The following GLT8D2 variants were observed in gnomAD, a reference collection of about 807,000 sequenced individuals.
The protein encoded by GLT8D2 is glycosyltransferase 8 domain containing 2.
GLT8D2 carries 45 observed loss-of-function variants against 44.5 expected under a neutral mutation model. The ratio of observed to expected loss-of-function variants is 1.01; its 90% CI spans 0.80 to 1.30. The LOEUF is 1.30. Ranked by LOEUF, GLT8D2 falls within the 50% of genes most tolerant of loss-of-function variation. The probability of loss-of-function intolerance (pLI) is 0.00; values close to 1 mark genes in which losing one functional copy is unlikely to be tolerated. For synonymous variants in GLT8D2, 156 were observed against 157.2 expected (o/e 0.99, Z 0.06); for missense variants, 400 against 430.4 (o/e 0.93, Z 0.62).
chr12:104,018,507 A>T (rs1256171558), intron 3 of GLT8D2, among the ~76,000 whole-genome samples: 2 of 152,174 alleles, frequency 1.3e-5, no homozygotes, highest in East Asian at 3.8e-4. Context: ...CATTTAAAAC[A>T]AAACTACAGA....
chr12:104,055,761 A>G (rs181481569), intron 1 of GLT8D2, among the ~76,000 whole-genome samples: 47 of 152,346 alleles, frequency 3.1e-4, no homozygotes, highest in African/African-American at 1.0e-3. Flanking sequence ...ATTAAAGCTG[A>G]TAAGTTTGCC....
At position 103,996,816 on chromosome 12, in the gene GLT8D2, C is replaced by T. The variant is rs1873486189; in HGVS notation, c.519G>A (p.Leu173=). The stretch of plus-strand genomic sequence containing the variant: ...AGAAAGCCGCCGCGTGGCCCAGGGC[C>T]AAGGTGGTGTCATACAGTTCTTGGA... The part of the protein sequence containing the change: ...GDIQELYDTT[L]ALGHAAAFSD... Residue 173 remains leucine (L), a synonymous_variant, in exon 8 of 11, where the codon TTG becomes TTA. Transcript: ENST00000360814. 6.2e-7 allele frequency: 1 copy of T among 1,614,064 alleles called. No homozygotes were observed. Among genetic ancestry groups the T allele is most frequent in the Non-Finnish European group, 8.5e-7 (1 of 1,179,950 alleles).
intron 1 of GLT8D2, among the ~76,000 whole-genome samples, chr12:104,036,273 T>C (rs1879917994): frequency 6.6e-6 from 1 of 152,162 alleles, no homozygotes; most frequent in Non-Finnish European, 1.5e-5. Flanking sequence ...AATAACCAAC[T>C]AACATCATAA....
intron 4 of GLT8D2, among the ~76,000 whole-genome samples, chr12:104,012,178 A>AT (rs1875925594): frequency 1.2e-5 from 1 of 80,130 alleles, no homozygotes; most frequent in South Asian, 3.9e-4. Context: ...CTCAAAAAAA[A>AT]AAAAAAAAAA....
chr12:104,041,492 C>T (rs1478539615), intron 1 of GLT8D2, among the ~76,000 whole-genome samples: 2 of 152,178 alleles, frequency 1.3e-5, no homozygotes, highest in Non-Finnish European at 2.9e-5. Context: ...AGGGGAATTG[C>T]TTGAACCAGG....
chr12:103,993,099 A>AT lies in GLT8D2; in HGVS notation c.880+292_880+293insA, dbSNP rs1872974741. ...TAATCCTAGCACTTTGGGAGGCCGA[A>AT]ATGGGTGGATCACCTAAGGTCAGGA... is the stretch of plus-strand genomic sequence containing the variant. On this transcript the variant is annotated intron_variant, in intron 10 of 10. Coordinates refer to ENST00000360814, the MANE Select transcript of GLT8D2 (RefSeq NM_001384711.1). Among the ~76,000 whole-genome samples the AT allele has an allele frequency of 2.0e-5, 3 of 152,252 alleles. No individual in the cohort carries two copies. In the South Asian group the frequency reaches 6.2e-4, roughly 32 times the overall value.
At chr12:104,049,832 T>C (rs1028800407) in intron 1 of GLT8D2, 63 bp downstream of exon 1, 3 of 152,224 alleles carry the variant, frequency 2.0e-5, no homozygotes, top group Non-Finnish European at 2.9e-5. Flanking sequence ...AATAAAGAAC[T>C]GCTGCAGACC....
At chr12:104,031,602 G>C (rs1879268298) in intron 1 of GLT8D2, 2 of 1,587,304 alleles carry the variant, frequency 1.3e-6, no homozygotes, top group Non-Finnish European at 1.7e-6. Context: ...TTGTCCCTCT[G>C]CCCCTCCCAC....
At chr12:104,007,951 G>A (rs963048617) in intron 4 of GLT8D2, among the ~76,000 whole-genome samples, 4 of 152,100 alleles carry the variant, frequency 2.6e-5, no homozygotes, top group Non-Finnish European at 5.9e-5. Flanking sequence ...AGTGCCTTTC[G>A]CCTCCTGCCA....
chr12:104,016,701 AAGGG>A (rs1876673803), intron 3 of GLT8D2, among the ~76,000 whole-genome samples: 7 of 100,120 alleles, frequency 7.0e-5, no homozygotes, highest in African/African-American at 2.1e-4. Flanking sequence ...GAAAGAAAGA[AAGGG>A]AGAGAGAAAG....
At chr12:104,032,975 G>T (rs1879495422) in intron 1 of GLT8D2, among the ~76,000 whole-genome samples, 1 of 152,064 alleles carries the variant, frequency 6.6e-6, no homozygotes, top group Non-Finnish European at 1.5e-5. Context: ...CGCTTCCGGG[G>T]TTCAAGCGAT....
At chr12:104,033,913 G>A (rs1370716086) in intron 1 of GLT8D2, among the ~76,000 whole-genome samples, 1 of 151,730 alleles carries the variant, frequency 6.6e-6, no homozygotes, top group Non-Finnish European at 1.5e-5. Context: ...GAGCTCCTGG[G>A]TTCTATCAAT....
At chr12:104,012,328 G>A (rs764220064) in intron 4 of GLT8D2, among the ~76,000 whole-genome samples, 11 of 151,470 alleles carry the variant, frequency 7.3e-5, no homozygotes, top group Non-Finnish European at 8.8e-5. Flanking sequence ...TGCTACATTC[G>A]TTTGAATGGT....
intron 10 of GLT8D2, among the ~76,000 whole-genome samples, chr12:103,992,435 G>C (rs1593525526): frequency 6.6e-6 from 1 of 151,324 alleles, no homozygotes; most frequent in African/African-American, 2.4e-5. Context: ...AGTGTGGCTT[G>C]ACAGTTCAAT....
In GLT8D2 at chr12:104,015,100, G is replaced by C; in HGVS notation, c.25C>G (p.Gln9Glu). 2.5e-6 allele frequency: 4 copies of C among 1,611,502 alleles called. No homozygotes were observed. The highest frequency in any genetic ancestry group is 3.4e-6 in the Non-Finnish European group (4 of 1,177,894). MALLRKIN[Q>E]VLLFLLIVTL... ...ACGATCAGAAGGAACAGCAGCACCTGATTAACTGAAATAGAAATGGAAACA... is the reference window on the plus strand; with the variant it reads ...ACGATCAGAAGGAACAGCAGCACCTCATTAACTGAAATAGAAATGGAAACA... Residue 9 changes from glutamine (Q) to glutamate (E), a missense_variant, in exon 4 of 11, where the codon CAG becomes GAG. By Grantham distance (29) the Gln-to-Glu change is conservative. Coordinates refer to ENST00000360814, the MANE Select transcript of GLT8D2 (RefSeq NM_001384711.1).
chr12:103,999,601 C>T (rs1258233708), intron 5 of GLT8D2, 87 bp from the exon 6 acceptor site: 1 of 759,346 alleles, frequency 1.3e-6, no homozygotes, highest in Non-Finnish European at 2.3e-6. Context: ...CTGTTGCCTC[C>T]CTAGAAAGTT....
intron 4 of GLT8D2, among the ~76,000 whole-genome samples, chr12:104,007,549 G>C (rs1443425039): frequency 6.6e-6 from 1 of 152,096 alleles, no homozygotes; most frequent in Non-Finnish European, 1.5e-5. Context: ...ATGAGAGAAT[G>C]CTCATAAAAC....
At chr12:104,057,140 G>A (rs1057436008) in intron 1 of GLT8D2, among the ~76,000 whole-genome samples, 7 of 152,136 alleles carry the variant, frequency 4.6e-5, no homozygotes, top group African/African-American at 1.4e-4. Flanking sequence ...GAAGTTGTAA[G>A]GAAAAGGATA....
At chr12:104,038,235 A>C (rs1880126412) in intron 1 of GLT8D2, among the ~76,000 whole-genome samples, 1 of 152,190 alleles carries the variant, frequency 6.6e-6, no homozygotes, top group African/African-American at 2.4e-5. Context: ...AAACTGGCAC[A>C]AGACAGGGAT....
Sources: gnomAD v4.1 joint callset for allele counts (sites outside exome capture counted in the v4.1 genomes callset) on GRCh38, gnomAD v4.1.1 for gene constraint, MANE v1.5 for transcripts, NCBI Gene and HGNC (gene_info 2026-07-23, HGNC 2026-07-21) for gene names.